ELP2: variants seen among roughly 807,000 people sequenced by gnomAD.
ELP2 encodes the protein elongator complex protein 2.
Under a neutral mutation model 119.2 loss-of-function variants are expected in ELP2, and 90 were observed. The observed-to-expected ratio is 0.75, with a 90% CI of 0.64 to 0.90. The LOEUF (loss-of-function observed/expected upper bound fraction) is 0.90. Ranked by LOEUF, ELP2 falls within the 40% of genes least tolerant of loss-of-function variation. ELP2 has a pLI of 0.00. For missense variants in ELP2, 921 were observed against 967.8 expected, an observed-to-expected ratio of 0.95 and a Z score of 0.64; for synonymous variants, 339 against 331.0, an observed-to-expected ratio of 1.02 and a Z score of -0.26.
At chr18:36,130,197 G>C (rs1444459695) in intron 1 of ELP2, 126 bp downstream of exon 1, 3 of 1,306,640 alleles carry the variant, frequency 2.3e-6, no homozygotes, top group Non-Finnish European at 3.3e-6. Flanking sequence ...AGGGGAGCGG[G>C]GTTTGGGCTC....
Position 36,178,404 on chromosome 18 carries a change from A to G in ELP2, c.*3763A>G. 6.6e-6 allele frequency: 1 copy of G among 152,360 alleles called. No homozygotes were observed. The highest frequency in any genetic ancestry group is 2.4e-5 in the African/African-American group (1 of 41,580). The allele number at this position is 152,360 out of a possible 1,614,324, so 9.4% of individuals were successfully genotyped here. A position where few individuals can be genotyped will look rare whatever the true frequency, so the allele number is the denominator to read the frequency against. On this transcript the variant is annotated 3_prime_UTR_variant, in exon 22 of 22. Coordinates refer to ENST00000358232, the MANE Select transcript of ELP2 (RefSeq NM_018255.4). ...GATTCTTCAACAAATACATTACAAGAGGAAAAGGGAAGGGAAGGGAAGCCT... is the reference window on the plus strand; with the variant it reads ...GATTCTTCAACAAATACATTACAAGGGGAAAAGGGAAGGGAAGGGAAGCCT...
At chr18:36,136,490 A>C in intron 3 of ELP2, 113 bp downstream of exon 3, 5 of 843,760 alleles carry the variant, frequency 5.9e-6, no homozygotes, top group African/African-American at 1.7e-5. Context: ...ATCGTGGCTC[A>C]CCTCAGCCTC....
chr18:36,141,413 G>C (rs8097449), intron 6 of ELP2: 121,418 of 563,748 alleles, frequency 0.22, 15,289 homozygotes, highest in East Asian at 0.39. Flanking sequence ...GAGTTGTTAG[G>C]GGGAAACAGG....
intron 3 of ELP2, 48 bp from the exon 4 acceptor site, chr18:36,138,222 A>G (rs1299513322): frequency 1.3e-6 from 2 of 1,582,730 alleles, no homozygotes; most frequent in Non-Finnish European, 1.7e-6. Flanking sequence ...AATAAAGGTA[A>G]AAAAAATCCT....
chr18:36,145,232 A>G, intron 9 of ELP2, 198 bp downstream of exon 9: 1 of 562,322 alleles, frequency 1.8e-6, no homozygotes. Context: ...CCTAAGTGGG[A>G]AAAGTGTAAT....
intron 15 of ELP2, 40 bp downstream of exon 15, chr18:36,159,870 A>G (rs1249251383): frequency 1.9e-6 from 3 of 1,606,540 alleles, no homozygotes; most frequent in Non-Finnish European, 1.7e-6. Context: ...TCGCTAGAAC[A>G]CACAGTATGT....
intron 8 of ELP2, among the ~76,000 whole-genome samples, chr18:36,143,598 TG>T (rs1266263853): frequency 1.3e-5 from 2 of 152,084 alleles, no homozygotes; most frequent in Admixed American, 6.6e-5. Context: ...GGTCTTGCTA[TG>T]TTGTCCAGGC....
intron 11 of ELP2, among the ~76,000 whole-genome samples, chr18:36,149,748 G>A (rs1486530754): frequency 6.6e-6 from 1 of 151,894 alleles, no homozygotes; most frequent in Admixed American, 6.6e-5. Flanking sequence ...ATCTAGCAGG[G>A]ACACTCAAGT....
At chr18:36,164,179 A>G (rs2090824734) in intron 17 of ELP2, among the ~76,000 whole-genome samples, 1 of 151,482 alleles carries the variant, frequency 6.6e-6, no homozygotes, top group South Asian at 2.1e-4. Flanking sequence ...CCTCCATGTC[A>G]CAGTTTTGAT....
At position 36,158,901 on chromosome 18, in the gene ELP2, C is replaced by A; in HGVS notation, c.1531C>A (p.Gln511Lys). 1 of 1,608,018 alleles carries A rather than the reference C, an allele frequency of 6.2e-7. No homozygotes were observed. The highest frequency in any genetic ancestry group is 8.5e-7 in the Non-Finnish European group (1 of 1,174,514). The change falls in exon 14 of 22, where the codon CAG becomes AAG. Residue 511 changes from glutamine to lysine, a missense_variant. Coordinates refer to ENST00000358232, the MANE Select transcript of ELP2 (RefSeq NM_018255.4). ...ALGLSNKAVF[Q>K]GDIASQPSDE... The stretch of plus-strand genomic sequence containing the variant: ...GGGATTATCAAATAAAGCTGTCTTT[C>A]AGGGTAAGGCTTTTGTCTTCAAAAT...
At position 36,129,979 on chromosome 18, in the gene ELP2, A is replaced by T; in HGVS notation, c.46A>T (p.Asn16Tyr). The T allele has an allele frequency of 6.2e-7, 1 of 1,614,174 alleles. No homozygotes were observed. The highest frequency in any genetic ancestry group is 8.5e-7 in the Non-Finnish European group (1 of 1,180,026). Residue 16 changes from asparagine to tyrosine, a missense_variant, in exon 1 of 22, where the codon AAC becomes TAC. Physicochemically the swap from Asn to Tyr is moderately radical, Grantham distance 143. Coordinates refer to ENST00000358232, the MANE Select transcript of ELP2 (RefSeq NM_018255.4). ...LETSHVFCCP[N>Y]RVRGVLNWSS... is the part of the protein sequence containing the mutation. ...GACTTCTCACGTGTTTTGCTGCCCA[A>T]ACCGGGTGCGGGGAGTCCTGAACTG... is the stretch of plus-strand genomic sequence containing the variant.
intron 19 of ELP2, 33 bp downstream of exon 19, chr18:36,167,255 T>G: frequency 6.8e-7 from 1 of 1,473,416 alleles, no homozygotes; most frequent in East Asian, 2.5e-5. Context: ...TTTTTTCAAA[T>G]GTAAAAATAA....
chr18:36,161,512 T>C (rs1254667842), intron 17 of ELP2, among the ~76,000 whole-genome samples: 2 of 152,192 alleles, frequency 1.3e-5, no homozygotes, highest in Non-Finnish European at 2.9e-5. Context: ...AGACTGTTTT[T>C]TGAGGACACT....
At chr18:36,173,174 C>T (rs1041158501) in intron 21 of ELP2, among the ~76,000 whole-genome samples, 2 of 152,170 alleles carry the variant, frequency 1.3e-5, no homozygotes, top group South Asian at 2.1e-4. Context: ...TGTTTATTTC[C>T]GTGATTTCAC....
chr18:36,151,777 T>C (rs2090411089), intron 11 of ELP2, among the ~76,000 whole-genome samples: 1 of 146,614 alleles, frequency 6.8e-6, no homozygotes, highest in South Asian at 2.2e-4. Context: ...AGGTGGAGTT[T>C]CGCTCTTGTT....
chr18:36,135,582 G>A (rs2089795142), intron 2 of ELP2, among the ~76,000 whole-genome samples: 1 of 151,986 alleles, frequency 6.6e-6, no homozygotes, highest in African/African-American at 2.4e-5. Context: ...CCCCTTTTTT[G>A]GTACTACTTT....
At chr18:36,142,196 G>C (rs1232525386) in intron 6 of ELP2, 85 bp from the exon 7 acceptor site, 10 of 1,060,566 alleles carry the variant, frequency 9.4e-6, no homozygotes, top group Non-Finnish European at 1.5e-5. Context: ...CAACGCAGTA[G>C]GACTGTCTGA....
At chr18:36,164,286 T>A (rs945896580) in intron 17 of ELP2, among the ~76,000 whole-genome samples, 189 bp from the exon 18 acceptor site, 1 of 152,196 alleles carries the variant, frequency 6.6e-6, no homozygotes, top group Non-Finnish European at 1.5e-5. Context: ...TGATTTTTTT[T>A]AATCCCAATC....
chr18:36,136,695 C>G (rs1276511450), intron 3 of ELP2: 3 of 300,288 alleles, frequency 1.0e-5, no homozygotes, highest in Non-Finnish European at 1.9e-5. Flanking sequence ...TGCTCATCAG[C>G]AACACAAATG....
Sources: gnomAD v4.1 joint callset for allele counts (sites outside exome capture counted in the v4.1 genomes callset) on GRCh38, gnomAD v4.1.1 for gene constraint, MANE v1.5 for transcripts, NCBI Gene and HGNC (gene_info 2026-07-23, HGNC 2026-07-21) for gene names.